Variants in MECOM observed in about 807,000 individuals in gnomAD.
The protein encoded by MECOM is MDS1 and EVI1 complex locus, also known as histone-lysine N-methyltransferase MECOM.
A neutral mutation model predicts 116.3 loss-of-function variants in MECOM; 13 were observed. That is an observed-to-expected ratio of 0.11 (90% CI 0.07 to 0.18). The LOEUF (loss-of-function observed/expected upper bound fraction) is 0.18, where lower values mean the gene tolerates loss of function less well. Among genes scored for constraint, MECOM ranks in the 10% least tolerant of loss-of-function variants. The pLI, the probability that MECOM is intolerant of heterozygous loss-of-function variation, is 1.00. For synonymous variants in MECOM, 528 were observed against 535.2 expected (o/e 0.99, Z 0.19); for missense variants, 1,299 against 1,509.0 (o/e 0.86, Z 2.31).
chr3:169,359,942 C>A (rs1727916455), intron 2 of MECOM, among the ~76,000 whole-genome samples: 1 of 151,664 alleles, frequency 6.6e-6, no homozygotes, highest in Non-Finnish European at 1.5e-5. Context: ...ACTGCAGATG[C>A]TAGCAGACAT....
chr3:169,649,409 CAAAAAAA>C lies in MECOM; in HGVS notation c.37+13920_37+13926del, dbSNP rs71634436. On this transcript the variant is annotated intron_variant, in intron 1 of 16. Coordinates refer to ENST00000651503, the MANE Select transcript of MECOM (RefSeq NM_004991.4). ...GGGCGGCAAGAGCGAAACTCCATCT[CAAAAAAA>C]AAAAAAAAAAAAATAGGAAAACAAA... Among the ~76,000 whole-genome samples the C allele has an allele frequency of 2.4e-3, 175 of 74,454 alleles. 1 individual carries two copies. Among genetic ancestry groups the C allele is most frequent in the African/African-American group, 9.1e-3 (156 of 17,120 alleles). 48.8% of individuals were successfully genotyped at this position (74,454 alleles called of 152,430 possible). A position where few individuals can be genotyped will look rare whatever the true frequency, so the allele number is the denominator to read the frequency against.
At chr3:169,085,864 G>A (rs933147387) in intron 16 of MECOM, among the ~76,000 whole-genome samples, 1 of 152,204 alleles carries the variant, frequency 6.6e-6, no homozygotes, top group African/African-American at 2.4e-5. Context: ...CAAATGAAAT[G>A]TTTGGTCTTG....
At chr3:169,563,064 C>CAAAAAAAAAAA (rs34061227) in intron 1 of MECOM, among the ~76,000 whole-genome samples, 1 of 79,480 alleles carries the variant, frequency 1.3e-5, no homozygotes, top group Non-Finnish European at 2.7e-5. Flanking sequence ...AGCTCCATCT[C>CAAAAAAAAAAA]AAAAAAAAAA....
chr3:169,494,597 A>G (rs113993123), intron 1 of MECOM, among the ~76,000 whole-genome samples: 12 of 152,364 alleles, frequency 7.9e-5, no homozygotes, highest in African/African-American at 2.9e-4. Context: ...ACTCATCACC[A>G]AAGTTTTATT....
intron 2 of MECOM, among the ~76,000 whole-genome samples, chr3:169,198,609 T>C (rs1185862558): frequency 2.0e-5 from 3 of 152,032 alleles, no homozygotes; most frequent in Non-Finnish European, 2.9e-5. Flanking sequence ...ACAGATTCTT[T>C]TTCCTTCGCA....
Position 169,084,700 on chromosome 3 carries a change from C to G in MECOM, c.*209G>C. The G allele has an allele frequency of 1.9e-6, 1 of 514,848 alleles. No individual in the cohort carries two copies. Among genetic ancestry groups the G allele is most frequent in the Non-Finnish European group, 3.3e-6 (1 of 307,654 alleles). 31.9% of individuals were successfully genotyped at this position (514,848 alleles called of 1,614,324 possible). ...TGATCTTCCAGAAGTCAGCAGCTGC[C>G]TTTGCTGTGCAAAACAAAATATCGA... is the stretch of plus-strand genomic sequence containing the variant. On this transcript the variant is annotated 3_prime_UTR_variant, in exon 17 of 17. Transcript: ENST00000651503.
chr3:169,267,799 A>T (rs915893008), intron 2 of MECOM, among the ~76,000 whole-genome samples: 3 of 151,974 alleles, frequency 2.0e-5, no homozygotes, highest in Non-Finnish European at 4.4e-5. Context: ...CTTTCCATTT[A>T]CCAGGGGTTG....
At chr3:169,441,728 CTTTT>C (rs774825326) in intron 1 of MECOM, among the ~76,000 whole-genome samples, 1 of 123,452 alleles carries the variant, frequency 8.1e-6, no homozygotes, top group Non-Finnish European at 1.9e-5. Flanking sequence ...TTCTTCTCTT[CTTTT>C]TTTTTTTTTT....
At chr3:169,285,112 C>G (rs1443386965) in intron 2 of MECOM, among the ~76,000 whole-genome samples, 1 of 152,106 alleles carries the variant, frequency 6.6e-6, no homozygotes, top group Non-Finnish European at 1.5e-5. Context: ...CTTCTTCTTA[C>G]CGAGTATTGG....
intron 1 of MECOM, among the ~76,000 whole-genome samples, chr3:169,539,626 C>T (rs942444902): frequency 2.6e-5 from 4 of 152,176 alleles, no homozygotes; most frequent in Non-Finnish European, 1.5e-5. Context: ...TTCCACTATC[C>T]CCAGTGCAAA....
chr3:169,478,779 G>A lies in MECOM; in HGVS notation c.38-97255C>T, dbSNP rs572831672. Among the ~76,000 whole-genome samples the A allele has an allele frequency of 7.9e-5, 12 of 152,288 alleles. No individual in the cohort carries two copies. In the South Asian group the frequency reaches 1.2e-3, roughly 16 times the overall value. ...TTCCTTTGTGAACAAATATCTGGGG[G>A]TGTTCCTCTGTGATAAAAACCATTT... On this transcript the variant is annotated intron_variant, in intron 1 of 16. Coordinates refer to ENST00000651503, the MANE Select transcript of MECOM (RefSeq NM_004991.4).
chr3:169,287,932 C>T (rs1349431654), intron 2 of MECOM, among the ~76,000 whole-genome samples: 2 of 152,130 alleles, frequency 1.3e-5, no homozygotes, highest in East Asian at 3.8e-4. Flanking sequence ...ATAAACCACT[C>T]TAAGTCTGAT....
chr3:169,282,330 G>A (rs1001751553), intron 2 of MECOM, among the ~76,000 whole-genome samples: 2 of 152,160 alleles, frequency 1.3e-5, no homozygotes, highest in East Asian at 3.9e-4. Context: ...AGTAGCCCAT[G>A]AAGTGCGATT....
chr3:169,231,583 C>T (rs996030159), intron 2 of MECOM, among the ~76,000 whole-genome samples: 1 of 151,932 alleles, frequency 6.6e-6, no homozygotes, highest in South Asian at 2.1e-4. Context: ...AGAGAAGTCC[C>T]TACTGAGGAA....
At chr3:169,418,593 T>C (rs1206167810) in intron 1 of MECOM, among the ~76,000 whole-genome samples, 1 of 152,220 alleles carries the variant, frequency 6.6e-6, no homozygotes, top group Non-Finnish European at 1.5e-5. Context: ...TAGATCATCA[T>C]ACACAAATCA....
intron 2 of MECOM, among the ~76,000 whole-genome samples, chr3:169,190,907 C>G (rs928264953): frequency 3.3e-5 from 5 of 151,992 alleles, no homozygotes; most frequent in African/African-American, 1.2e-4. Context: ...TGTTGTATAT[C>G]AATGTGTATC....
chr3:169,501,134 A>G (rs1313332622), intron 1 of MECOM, among the ~76,000 whole-genome samples: 1 of 152,062 alleles, frequency 6.6e-6, no homozygotes, highest in African/African-American at 2.4e-5. Flanking sequence ...ACACTTATTT[A>G]GAAATATTAT....
At chr3:169,094,463 G>A (rs1720873545) in intron 13 of MECOM, among the ~76,000 whole-genome samples, 2 of 152,174 alleles carry the variant, frequency 1.3e-5, no homozygotes, top group South Asian at 4.2e-4. Flanking sequence ...CTAAATATGT[G>A]CTGGCAAGGT....
chr3:169,147,268 G>A (rs1577174626), intron 2 of MECOM: 1 of 985,574 alleles, frequency 1.0e-6, no homozygotes, highest in Non-Finnish European at 1.2e-6. Context: ...GGGAGGCGAG[G>A]GGAGCTCTAT....
Sources: allele counts gnomAD v4.1 joint callset (sites outside exome capture counted in the v4.1 genomes callset), GRCh38; gene constraint gnomAD v4.1.1; transcripts MANE v1.5; gene names NCBI Gene and HGNC (gene_info 2026-07-23, HGNC 2026-07-21).